EPHA5: variants seen among roughly 807,000 people sequenced by gnomAD.
The protein encoded by EPHA5 is ephrin type-A receptor 5.
EPHA5 carries 60 observed loss-of-function variants against 105.0 expected under a neutral mutation model. The observed-to-expected ratio is 0.57, with a 90% confidence interval of 0.46 to 0.71. The LOEUF (loss-of-function observed/expected upper bound fraction) is 0.71. Ranked by LOEUF, EPHA5 falls within the 30% of genes least tolerant of loss-of-function variation. The pLI is 0.00. For synonymous variants in EPHA5, 513 were observed against 449.1 expected, an observed-to-expected ratio of 1.14 and a Z score of -1.80; for missense variants, 1,218 against 1,274.7, an observed-to-expected ratio of 0.96 and a Z score of 0.68.
At chr4:65,373,153 G>A (rs1465000095) in intron 8 of EPHA5, among the ~76,000 whole-genome samples, 3 of 151,756 alleles carry the variant, frequency 2.0e-5, no homozygotes, top group African/African-American at 7.2e-5. Context: ...CTCAATCTGA[G>A]GAGGCCCAGT....
At chr4:65,349,412 T>C (rs955537977) in intron 13 of EPHA5, among the ~76,000 whole-genome samples, 2 of 152,134 alleles carry the variant, frequency 1.3e-5, no homozygotes, top group Non-Finnish European at 2.9e-5. Flanking sequence ...GAAATTATTA[T>C]TCTCTTAGCT....
intron 3 of EPHA5, among the ~76,000 whole-genome samples, chr4:65,571,176 G>A (rs1361953447): frequency 6.6e-6 from 1 of 151,828 alleles, no homozygotes; most frequent in Non-Finnish European, 1.5e-5. Context: ...GAAAGAAATA[G>A]GAAGATTTAT....
intron 5 of EPHA5, among the ~76,000 whole-genome samples, chr4:65,457,185 A>G (rs1727681596): frequency 6.6e-6 from 1 of 152,204 alleles, no homozygotes; most frequent in Non-Finnish European, 1.5e-5. Context: ...TGAGCTGCAC[A>G]GGAAGAGACT....
In EPHA5 at chr4:65,320,116, C is replaced by G; in HGVS notation, c.*3998G>C. The G allele has an allele frequency of 4.3e-6, 1 of 230,140 alleles. No individual in the cohort carries two copies. 14.3% of individuals were successfully genotyped at this position (230,140 alleles called of 1,614,324 possible). On this transcript the variant is annotated 3_prime_UTR_variant, in exon 17 of 17. Coordinates refer to ENST00000613740, the MANE Select transcript of EPHA5 (RefSeq NM_001281766.3). ...TGTGGTCATTCTGAACAAGAACATTCAATCATTTATGTGTGAAAAGATTTC... is the reference window on the plus strand; with the variant it reads ...TGTGGTCATTCTGAACAAGAACATTGAATCATTTATGTGTGAAAAGATTTC...
At chr4:65,516,905 G>A (rs2149270702) in intron 3 of EPHA5, among the ~76,000 whole-genome samples, 1 of 141,308 alleles carries the variant, frequency 7.1e-6, no homozygotes, top group Admixed American at 7.0e-5. Flanking sequence ...AGACAGCACA[G>A]CATGTGGTTT....
Position 65,562,581 on chromosome 4 carries a change from T to A in EPHA5, c.910+39060A>T, listed in dbSNP as rs772732355. Among the ~76,000 whole-genome samples the A allele has an allele frequency of 3.7e-4, 56 of 152,062 alleles. 2 individuals carry two copies. The highest frequency in any genetic ancestry group is 8.8e-5 in the Non-Finnish European group (6 of 68,000). ...GAGAATGTTTGCAACTGTATATCCA[T>A]GCATGTGGAAGACATATGGTTCATT... On this transcript the variant is annotated intron_variant, in intron 3 of 16. Transcript: ENST00000613740.
chr4:65,420,418 A>C, intron 6 of EPHA5, 23 bp downstream of exon 6: 1 of 1,538,516 alleles, frequency 6.5e-7, no homozygotes, highest in Non-Finnish European at 8.7e-7. Flanking sequence ...AAGTGAGGAC[A>C]TTTTTTATTC....
intron 3 of EPHA5, among the ~76,000 whole-genome samples, chr4:65,596,150 G>T (rs1314075969): frequency 6.6e-6 from 1 of 152,090 alleles, no homozygotes; most frequent in Non-Finnish European, 1.5e-5. Context: ...TTTTGCAAAG[G>T]TATCCAGTCC....
At chr4:65,602,339 C>T in intron 2 of EPHA5, 35 bp from the exon 3 acceptor site, 1 of 1,451,864 alleles carries the variant, frequency 6.9e-7, no homozygotes, top group Non-Finnish European at 9.1e-7. Context: ...AAAAAAAATT[C>T]AAAAAATAGA....
intron 5 of EPHA5, among the ~76,000 whole-genome samples, chr4:65,433,715 C>A (rs1199331374): frequency 6.6e-6 from 1 of 152,160 alleles, no homozygotes; most frequent in Non-Finnish European, 1.5e-5. Context: ...TATGTCTTTT[C>A]TATCCTCTAA....
chr4:65,423,005 G>A (rs1209730138), intron 5 of EPHA5, among the ~76,000 whole-genome samples: 2 of 151,832 alleles, frequency 1.3e-5, no homozygotes. Context: ...TTTCTGTCCT[G>A]AGATTCCATC....
chr4:65,342,796 C>T (rs539571120), intron 14 of EPHA5, among the ~76,000 whole-genome samples: 12 of 151,808 alleles, frequency 7.9e-5, no homozygotes, highest in South Asian at 2.1e-4. Context: ...ATATCTGGCA[C>T]ATCAGAAATG....
intron 15 of EPHA5, among the ~76,000 whole-genome samples, chr4:65,332,999 A>G (rs1285969539): frequency 6.6e-6 from 1 of 151,842 alleles, no homozygotes; most frequent in Non-Finnish European, 1.5e-5. Flanking sequence ...TGTAACCCCA[A>G]ATACAAAACA....
chr4:65,490,786 C>T, intron 4 of EPHA5, 74 bp from the exon 5 acceptor site: 1 of 1,425,984 alleles, frequency 7.0e-7, no homozygotes, highest in Non-Finnish European at 9.5e-7. Flanking sequence ...CACACCAATT[C>T]CTGGTCTGAA....
intron 6 of EPHA5, among the ~76,000 whole-genome samples, chr4:65,415,167 T>C (rs1184502968): frequency 6.6e-6 from 1 of 152,128 alleles, no homozygotes; most frequent in African/African-American, 2.4e-5. Flanking sequence ...TAACCATCCA[T>C]AGCTCCTTAT....
chr4:65,579,823 C>T (rs1741439029), intron 3 of EPHA5, among the ~76,000 whole-genome samples: 2 of 151,798 alleles, frequency 1.3e-5, no homozygotes, highest in Admixed American at 6.6e-5. Context: ...CCTGAGTTAG[C>T]CGATCAATGT....
chr4:65,343,501 A>G (rs1488519176), intron 14 of EPHA5, among the ~76,000 whole-genome samples: 1 of 152,162 alleles, frequency 6.6e-6, no homozygotes, highest in Non-Finnish European at 1.5e-5. Flanking sequence ...AGAATCAGAT[A>G]GCATCTGGAA....
At chr4:65,623,844 G>A (rs1745911792) in intron 2 of EPHA5, among the ~76,000 whole-genome samples, 2 of 152,122 alleles carry the variant, frequency 1.3e-5, no homozygotes, top group Non-Finnish European at 2.9e-5. Flanking sequence ...CAGGATATGT[G>A]TCTCATTTAT....
intron 3 of EPHA5, among the ~76,000 whole-genome samples, chr4:65,528,296 A>G (rs1194728018): frequency 6.6e-6 from 1 of 152,150 alleles, no homozygotes; most frequent in African/African-American, 2.4e-5. Flanking sequence ...AGCCTAACAA[A>G]TCTAAAATTA....
Sources: gnomAD v4.1 joint callset for allele counts (sites outside exome capture counted in the v4.1 genomes callset) on GRCh38, gnomAD v4.1.1 for gene constraint, MANE v1.5 for transcripts, NCBI Gene and HGNC (gene_info 2026-07-23, HGNC 2026-07-21) for gene names.